RELN: variants seen among roughly 807,000 people sequenced by gnomAD.
RELN encodes the protein reelin.
In RELN, 108 loss-of-function variants were observed where a neutral mutation model predicts 427.6. The ratio of observed to expected loss-of-function variants is 0.25; its 90% CI spans 0.22 to 0.30. The LOEUF is 0.30. Ranked by LOEUF, RELN falls within the 10% of genes least tolerant of loss-of-function variation. RELN has a pLI of 1.00. For missense variants in RELN, 3,715 were observed against 4,302.8 expected (o/e 0.86, Z 3.82); for synonymous variants, 1,524 against 1,513.4 (o/e 1.01, Z -0.16).
At position 103,862,173 on chromosome 7, in the gene RELN, G is replaced by T. The variant is rs529362959; in HGVS notation, c.338-28501C>A. On this transcript the variant is annotated intron_variant, in intron 2 of 64. Coordinates refer to ENST00000428762, the MANE Select transcript of RELN (RefSeq NM_005045.4). ...AATTTTCTAATTAAAGAAGGAAAAA[G>T]CTAAGATTATTCAGGTAGTACAGAA... 9.9e-5 allele frequency among the ~76,000 whole-genome samples: 15 copies of T among 152,192 alleles called. No homozygotes were observed. In the South Asian group the frequency reaches 2.3e-3, roughly 23 times the overall value.
chr7:103,673,202 T>C (rs943254440), intron 11 of RELN, among the ~76,000 whole-genome samples: 2 of 152,136 alleles, frequency 1.3e-5, no homozygotes, highest in African/African-American at 4.8e-5. Flanking sequence ...CTTTTTCCAC[T>C]TTCCTGACAT....
intron 4 of RELN, among the ~76,000 whole-genome samples, chr7:103,770,242 G>A (rs1236910364): frequency 2.0e-5 from 3 of 152,122 alleles, no homozygotes; most frequent in East Asian, 3.9e-4. Context: ...GTGCCATCAC[G>A]CCCAGCTAAT....
intron 1 of RELN, among the ~76,000 whole-genome samples, chr7:103,923,855 TTAA>T (rs1028699891): frequency 1.1e-4 from 16 of 152,146 alleles, no homozygotes; most frequent in African/African-American, 3.6e-4. Flanking sequence ...ACACACTTCC[TTAA>T]TAATAATAAT....
chr7:103,872,577 C>G (rs1418983487), intron 2 of RELN, among the ~76,000 whole-genome samples: 1 of 135,190 alleles, frequency 7.4e-6, no homozygotes, highest in Non-Finnish European at 1.6e-5. Flanking sequence ...GGGTATATAC[C>G]CAGTAATGGG....
chr7:103,654,013 A>C (rs1202243929), intron 13 of RELN, 80 bp downstream of exon 13: 8 of 807,076 alleles, frequency 9.9e-6, no homozygotes, highest in Non-Finnish European at 1.8e-5. Flanking sequence ...CTGCATCTGG[A>C]GTGGTCTTTG....
chr7:103,678,737 AAAGCATTATATCCACATTAAT>A (rs1378647102), intron 11 of RELN, among the ~76,000 whole-genome samples: 1 of 152,226 alleles, frequency 6.6e-6, no homozygotes, highest in African/African-American at 2.4e-5. Context: ...TAAAGAGATG[AAAGCATTATATCCACATTAAT>A]AATTTTTTAT....
In RELN at chr7:103,989,181, A is replaced by G. The variant is rs1466636409; in HGVS notation, c.176T>C (p.Leu59Pro). ...GTAGGTGGGGTTGCCCGCAATATGC[A>G]GGGAAATGAGCACCTCGCCCTGCTC... ...DGEQGEVLIS[L>P]HIAGNPTYYV... is the part of the protein sequence containing the mutation. The change falls in exon 1 of 65, where the codon CTG becomes CCG. Residue 59 changes from leucine (L) to proline (P), a missense_variant. By Grantham distance (98) the Leu-to-Pro change is moderately conservative. This residue lies in a region of RELN where 2,208 missense variants were observed against 2,361.7 expected (regional missense o/e 0.93). Transcript: ENST00000428762. This position sits in a 1 kb window ranked among gnomAD's most constrained non-coding sequence, Gnocchi z 4.9. 1 of 1,613,982 alleles carries G rather than the reference A, an allele frequency of 6.2e-7. No homozygotes were observed. Among genetic ancestry groups the G allele is most frequent in the African/African-American group, 1.3e-5 (1 of 74,928 alleles).
intron 50 of RELN, among the ~76,000 whole-genome samples, chr7:103,514,665 A>G (rs1312174759): frequency 6.8e-6 from 1 of 147,762 alleles, no homozygotes; most frequent in African/African-American, 2.7e-5. Flanking sequence ...CTTAAAAAAA[A>G]GAGAGGAGTA....
intron 55 of RELN, 76 bp from the exon 56 acceptor site, chr7:103,496,844 G>C (rs1292100144): frequency 6.6e-7 from 1 of 1,525,448 alleles, no homozygotes; most frequent in African/African-American, 1.4e-5. Flanking sequence ...GTATACTTCA[G>C]ATACTGTGAA....
chr7:103,882,590 A>G (rs1231348132), intron 2 of RELN, among the ~76,000 whole-genome samples: 1 of 152,142 alleles, frequency 6.6e-6, no homozygotes, highest in African/African-American at 2.4e-5. Flanking sequence ...TAGACACAAA[A>G]AAAAATGATA....
rs1584282543 is a variant in RELN at position 103,836,937 on chromosome 7, T to C, written c.338-3265A>G. On this transcript the variant is annotated intron_variant, in intron 2 of 64. Coordinates refer to ENST00000428762, the MANE Select transcript of RELN (RefSeq NM_005045.4). ...CCTCTAGCATCTAGTACCTTACACA[T>C]AGTCAAACATTCATTTTTGTTATAT... Among the ~76,000 whole-genome samples the C allele has an allele frequency of 2.0e-5, 3 of 152,204 alleles. No homozygotes were observed. In the South Asian group the frequency reaches 6.2e-4, roughly 31 times the overall value.
intron 3 of RELN, among the ~76,000 whole-genome samples, chr7:103,828,582 A>T (rs1793198906): frequency 7.8e-6 from 1 of 129,030 alleles, no homozygotes; most frequent in South Asian, 2.2e-4. Context: ...TTATGCTAGT[A>T]TCTCTGTCCA....
At chr7:103,658,507 T>C (rs1391076654) in intron 12 of RELN, among the ~76,000 whole-genome samples, 1 of 151,972 alleles carries the variant, frequency 6.6e-6, no homozygotes, top group Non-Finnish European at 1.5e-5. Context: ...CCATATTCCA[T>C]CCTACCATAA....
intron 11 of RELN, among the ~76,000 whole-genome samples, chr7:103,674,319 T>C (rs1833462698): frequency 6.6e-6 from 1 of 152,232 alleles, no homozygotes; most frequent in South Asian, 2.1e-4. Context: ...TAATTATACT[T>C]GTTATACAAT....
chr7:103,707,306 T>A (rs1834225570), intron 8 of RELN, among the ~76,000 whole-genome samples: 1 of 151,920 alleles, frequency 6.6e-6, no homozygotes, highest in Non-Finnish European at 1.5e-5. Context: ...AAAAAGAAAC[T>A]ATGGAAAGGC....
chr7:103,957,948 C>T (rs1215872950), intron 1 of RELN, among the ~76,000 whole-genome samples: 1 of 152,286 alleles, frequency 6.6e-6, no homozygotes, highest in East Asian at 1.9e-4. Flanking sequence ...AACACTAGAA[C>T]AGCACACACC....
intron 60 of RELN, among the ~76,000 whole-genome samples, chr7:103,488,959 A>G (rs117805575): frequency 6.6e-6 from 1 of 152,230 alleles, no homozygotes; most frequent in Non-Finnish European, 1.5e-5. Flanking sequence ...TAGCATTGCT[A>G]TCGGCCAGGT....
chr7:103,967,622 T>C (rs972002600), intron 1 of RELN, among the ~76,000 whole-genome samples: 5 of 152,208 alleles, frequency 3.3e-5, no homozygotes, highest in African/African-American at 9.6e-5. Context: ...GCCTCTATCA[T>C]GTGAGCAAGG....
At chr7:103,593,396 A>G (rs1275110701) in intron 27 of RELN, among the ~76,000 whole-genome samples, 1 of 152,212 alleles carries the variant, frequency 6.6e-6, no homozygotes, top group Non-Finnish European at 1.5e-5. Flanking sequence ...TTAAGTCACA[A>G]TCAGATTGAA....
Sources: gnomAD v4.1 joint callset for allele counts (sites outside exome capture counted in the v4.1 genomes callset) on GRCh38, gnomAD v4.1.1 for gene constraint, gnomAD v4.1.1 regional missense constraint, Gnocchi (gnomAD v3.1) non-coding constraint, MANE v1.5 for transcripts, NCBI Gene and HGNC (gene_info 2026-07-23, HGNC 2026-07-21) for gene names.